CCNH: variants seen among roughly 807,000 people sequenced by gnomAD.
The protein encoded by CCNH is cyclin H, also known as cyclin-H.
A neutral mutation model predicts 41.9 loss-of-function variants in CCNH; 31 were observed. The observed-to-expected ratio is 0.74, with a 90% confidence interval of 0.56 to 1.00. The LOEUF (loss-of-function observed/expected upper bound fraction) is 1.00, where lower values mean the gene tolerates loss of function less well. Ranked by LOEUF, CCNH falls within the 50% of genes least tolerant of loss-of-function variation. The pLI, the probability that CCNH is intolerant of heterozygous loss-of-function variation, is 0.00. For missense variants in CCNH, 362 were observed against 388.4 expected (o/e 0.93, Z 0.57); for synonymous variants, 138 against 136.1 (o/e 1.01, Z -0.10).
intron 9 of CCNH, among the ~76,000 whole-genome samples, chr5:87,330,277 A>C (rs1757514666): frequency 6.6e-6 from 1 of 152,160 alleles, no homozygotes; most frequent in Non-Finnish European, 1.5e-5. Context: ...GCTTACAAAA[A>C]TAGTCATAGT....
At chr5:87,365,836 G>T (rs1033529568) in intron 9 of CCNH, among the ~76,000 whole-genome samples, 7 of 151,998 alleles carry the variant, frequency 4.6e-5, no homozygotes, top group African/African-American at 1.7e-4. Flanking sequence ...TGATGATGAG[G>T]CTTCACGATA....
chr5:87,376,988 G>A, exon 1 of CCNH: 1 of 1,613,776 alleles, frequency 6.2e-7, no homozygotes, highest in Admixed American at 1.7e-5. Context: ...TTCACGAAAA[G>A]CTTGAATCGT....
chr5:87,342,084 G>A (rs1034774931), intron 9 of CCNH, among the ~76,000 whole-genome samples: 11 of 151,650 alleles, frequency 7.3e-5, no homozygotes, highest in African/African-American at 2.7e-4. Context: ...TAGTGAGACT[G>A]TACCCTGCTG....
upstream of CCNH, chr5:87,378,636 T>G (rs1237418329): frequency 1.5e-6 from 2 of 1,300,016 alleles, no homozygotes; most frequent in East Asian, 5.1e-5. Flanking sequence ...TATATTAAAT[T>G]TCTAAAATTA....
At position 87,412,896 on chromosome 5, in the gene CCNH, G is replaced by A. The variant is rs1431226504; in HGVS notation, c.-102C>T. ...TACCCCCACCGAAGATCTCGCGGAA[G>A]CCTAGGGCGTCCGGCTAGCCGGCGC... On this transcript the variant is annotated 5_prime_UTR_variant, in exon 1 of 9. Coordinates refer to ENST00000256897, the MANE Select transcript of CCNH (RefSeq NM_001239.4). The A allele has an allele frequency of 8.6e-6, 13 of 1,514,430 alleles. No individual in the cohort carries two copies. Among genetic ancestry groups the A allele is most frequent in the African/African-American group, 2.8e-5 (2 of 72,304 alleles). 93.8% of individuals were successfully genotyped at this position (1,514,430 alleles called of 1,614,324 possible).
downstream of CCNH, among the ~76,000 whole-genome samples, chr5:87,371,756 C>T (rs1232831800): frequency 6.6e-6 from 1 of 152,068 alleles, no homozygotes; most frequent in Non-Finnish European, 1.5e-5. Flanking sequence ...AAGCTTGCCT[C>T]AAGTATAACA....
rs878854568 is a variant in CCNH, at chr5:87,369,853, G to A, written c.*90+22917C>T. ...GATAGTAGTTCAGCACTTTAGTGAA[G>A]AACATTACATCTTTTACTTTGCAGG... On this transcript the variant is annotated intron_variant and NMD_transcript_variant, in intron 9 of 9. Coordinates refer to the CCNH transcript ENST00000645953. 2 of 1,612,160 alleles carry A rather than the reference G, an allele frequency of 1.2e-6. No homozygotes were observed. Among genetic ancestry groups the A allele is most frequent in the Non-Finnish European group, 1.7e-6 (2 of 1,178,872 alleles).
At chr5:87,325,335 G>A (rs908791863) in intron 9 of CCNH, among the ~76,000 whole-genome samples, 1 of 152,124 alleles carries the variant, frequency 6.6e-6, no homozygotes, top group African/African-American at 2.4e-5. Context: ...ATGAGATTTG[G>A]GTGGAGACAC....
At chr5:87,397,947 CTG>C (rs1288483284) in intron 7 of CCNH, among the ~76,000 whole-genome samples, 2 of 151,606 alleles carry the variant, frequency 1.3e-5, no homozygotes, top group African/African-American at 2.4e-5. Flanking sequence ...TTCCAAGAAA[CTG>C]TGTTCTAAAA....
chr5:87,407,982 G>T lies in CCNH; in HGVS notation c.519C>A (p.Asp173Glu). The stretch of plus-strand genomic sequence containing the variant: ...TATTTTACATCAAGTTTACCTTTAA[G>T]TCGATGAGGAAGCCCTCAAATGGTC... ...PYRPFEGFLIDLKTRYPILEN... is the reference protein window; with the variant it reads ...PYRPFEGFLIELKTRYPILEN... Residue 173 changes from aspartate (D) to glutamate (E), a missense_variant, in exon 4 of 9, where the codon GAC (aspartate) becomes GAA (glutamate). Asp to Glu is a conservative substitution (Grantham distance 45). Transcript: ENST00000256897. 1 of 1,607,030 alleles carries T rather than the reference G, an allele frequency of 6.2e-7. No individual in the cohort carries two copies. Among genetic ancestry groups the T allele is most frequent in the Non-Finnish European group, 8.5e-7 (1 of 1,173,564 alleles).
At chr5:87,316,230 A>G (rs533301234), downstream of CCNH, among the ~76,000 whole-genome samples, 20 of 152,312 alleles carry the variant, frequency 1.3e-4, no homozygotes, top group Middle Eastern at 3.4e-3. Context: ...TGTGCCCTCT[A>G]AGATGTTCTT....
Position 87,331,008 on chromosome 5 carries a change from G to T in CCNH, c.*91-12111C>A, listed in dbSNP as rs3789175. 1.5e-3 allele frequency: 2,049 copies of T among 1,386,892 alleles called. 15 individuals carry two copies. The highest frequency in any genetic ancestry group is 0.014 in the East Asian group (553 of 39,620). The allele number at this position is 1,386,892 out of a possible 1,614,324, so 85.9% of individuals were successfully genotyped here. ...GGTAGTAAATTAATCATTTCCATTT[G>T]TCTATCTTTTATTTTTCTAAGTAAA... On this transcript the variant is annotated intron_variant and NMD_transcript_variant, in intron 9 of 9. Transcript: ENST00000645953.
At chr5:87,365,407 T>A (rs1229522348) in intron 9 of CCNH, among the ~76,000 whole-genome samples, 2 of 152,148 alleles carry the variant, frequency 1.3e-5, no homozygotes, top group East Asian at 3.9e-4. Context: ...TCTTGTTCAA[T>A]CATCCAGGTA....
intron 9 of CCNH, chr5:87,331,450 G>T (rs1290300852): frequency 6.2e-7 from 1 of 1,613,874 alleles, no homozygotes; most frequent in East Asian, 2.2e-5. Flanking sequence ...GGAGGCCAGG[G>T]TCCTTTGTAC....
chr5:87,387,982 C>A (rs1762181267), downstream of CCNH, among the ~76,000 whole-genome samples: 1 of 152,122 alleles, frequency 6.6e-6, no homozygotes, highest in South Asian at 2.1e-4. Flanking sequence ...TATTTCTTCA[C>A]CACCTGTATA....
intron 9 of CCNH, among the ~76,000 whole-genome samples, chr5:87,370,296 AAGTC>A (rs1414190876): frequency 6.6e-6 from 1 of 152,214 alleles, no homozygotes; most frequent in Non-Finnish European, 1.5e-5. Flanking sequence ...CTGAAAATAA[AAGTC>A]AGTCAACACA....
chr5:87,372,055 CTG>C, downstream of CCNH: 3 of 1,350,726 alleles, frequency 2.2e-6, no homozygotes, highest in Non-Finnish European at 3.1e-6. Context: ...AAAAACCTAA[CTG>C]ATGATTTGGA....
At chr5:87,399,356 A>C (rs1427492336) in intron 7 of CCNH, 38 bp downstream of exon 7, 1 of 1,402,788 alleles carries the variant, frequency 7.1e-7, no homozygotes. Context: ...ACTGGATAAC[A>C]GTTATGTCTA....
downstream of CCNH, chr5:87,389,347 AAAG>A (rs745880769): frequency 7.3e-5 from 118 of 1,611,542 alleles, no homozygotes; most frequent in Middle Eastern, 5.0e-4. Flanking sequence ...AAACAAAAAA[AAAG>A]AAGATTTGTA....
Sources: gnomAD v4.1 joint callset for allele counts (sites outside exome capture counted in the v4.1 genomes callset) on GRCh38, gnomAD v4.1.1 for gene constraint, MANE v1.5 for transcripts, NCBI Gene and HGNC (gene_info 2026-07-23, HGNC 2026-07-21) for gene names.